EYA2: variants seen among roughly 807,000 people sequenced by gnomAD.
EYA2 encodes the protein EYA transcriptional coactivator and phosphatase 2.
A neutral mutation model predicts 69.2 loss-of-function variants in EYA2; 31 were observed. The observed-to-expected ratio is 0.45, with a 90% confidence interval of 0.34 to 0.60. The LOEUF (loss-of-function observed/expected upper bound fraction) is 0.60. EYA2 is among the 20% of genes least tolerant of loss of function. The pLI, the probability that EYA2 is intolerant of heterozygous loss-of-function variation, is 0.02. For synonymous variants in EYA2, 257 were observed against 279.4 expected, an observed-to-expected ratio of 0.92 and a Z score of 0.80; for missense variants, 622 against 701.2, an observed-to-expected ratio of 0.89 and a Z score of 1.28.
intron 9 of EYA2, among the ~76,000 whole-genome samples, chr20:47,119,790 G>A (rs1266432955): frequency 6.6e-6 from 1 of 152,246 alleles, no homozygotes; most frequent in African/African-American, 2.4e-5. Flanking sequence ...TCACTTTAAA[G>A]TGGTTCATTT....
At chr20:47,063,446 C>G (rs536934060) in intron 5 of EYA2, among the ~76,000 whole-genome samples, 1 of 135,430 alleles carries the variant, frequency 7.4e-6, no homozygotes, top group South Asian at 2.2e-4. Context: ...GACAGTGAGG[C>G]AGGAGAATAG....
At position 46,912,862 on chromosome 20, in the gene EYA2, G is replaced by A. The variant is rs1417650980; in HGVS notation, c.-11+17875G>A. Among the ~76,000 whole-genome samples, 14 of 151,266 alleles carry A rather than the reference G, an allele frequency of 9.3e-5. No individual in the cohort carries two copies. In the East Asian group the frequency reaches 1.9e-3, roughly 21 times the overall value. ...ACTACAGGCGCCCGCCACCGCGCCC[G>A]GCTAATTTTTTGTATTTTTAGTAGA... On this transcript the variant is annotated intron_variant, in intron 1 of 15. Transcript: ENST00000327619.
intron 1 of EYA2, among the ~76,000 whole-genome samples, chr20:46,947,840 G>C (rs1164787714): frequency 2.6e-5 from 4 of 152,098 alleles, no homozygotes; most frequent in Non-Finnish European, 5.9e-5. Flanking sequence ...CATATGGCTG[G>C]GCATGGTGTC....
intron 11 of EYA2, among the ~76,000 whole-genome samples, chr20:47,170,068 G>C (rs954650306): frequency 6.6e-6 from 1 of 151,786 alleles, no homozygotes; most frequent in Non-Finnish European, 1.5e-5. Flanking sequence ...ACCACACCCA[G>C]CTAATTTTTT....
At chr20:47,063,800 A>C (rs1034808671) in intron 5 of EYA2, among the ~76,000 whole-genome samples, 2 of 152,204 alleles carry the variant, frequency 1.3e-5, no homozygotes, top group African/African-American at 4.8e-5. Context: ...AAACTCTGTA[A>C]CCAGGACTCC....
At position 47,139,248 on chromosome 20, in the gene EYA2, G is replaced by A. The variant is rs1013174293; in HGVS notation, c.889-3811G>A. Among the ~76,000 whole-genome samples the A allele has an allele frequency of 5.9e-5, 9 of 152,274 alleles. No individual in the cohort carries two copies. The South Asian group carries it at 1.0e-3, about 18-fold the overall frequency. On this transcript the variant is annotated intron_variant, in intron 9 of 15. Coordinates refer to ENST00000327619, the MANE Select transcript of EYA2 (RefSeq NM_005244.5). The stretch of plus-strand genomic sequence containing the variant: ...AATGAAAAGTGGAATTACTGAGTAT[G>A]TTGCCTGTTATTTTTAAATTGTTAA...
chr20:46,945,128 A>G (rs1978376176), intron 1 of EYA2, among the ~76,000 whole-genome samples: 1 of 151,538 alleles, frequency 6.6e-6, no homozygotes, highest in Admixed American at 6.6e-5. Flanking sequence ...AAAAAAAAAA[A>G]GGTTGCAGTT....
intron 5 of EYA2, among the ~76,000 whole-genome samples, chr20:47,057,559 G>A (rs1388591869): frequency 6.7e-6 from 1 of 149,296 alleles, no homozygotes; most frequent in Non-Finnish European, 1.5e-5. Flanking sequence ...TTGCAGTCCT[G>A]GTAGGTTTTC....
At chr20:47,187,017 A>G (rs1049154280) in intron 15 of EYA2, among the ~76,000 whole-genome samples, 1 of 151,722 alleles carries the variant, frequency 6.6e-6, no homozygotes, top group African/African-American at 2.4e-5. Flanking sequence ...CATGATCTGC[A>G]TTCCAGCATG....
chr20:46,963,529 C>A (rs890100892), intron 1 of EYA2, among the ~76,000 whole-genome samples: 1 of 152,226 alleles, frequency 6.6e-6, no homozygotes, highest in Non-Finnish European at 1.5e-5. Flanking sequence ...TCTCAGTGCT[C>A]TGGAGGAAAT....
At chr20:47,080,458 TGAGG>T (rs1258094298) in intron 7 of EYA2, among the ~76,000 whole-genome samples, 1 of 19,350 alleles carries the variant, frequency 5.2e-5, no homozygotes, top group Non-Finnish European at 1.0e-4. Flanking sequence ...GGGAGGGAAA[TGAGG>T]GAGGGAGGGA....
chr20:47,186,026 G>A (rs1035628938), intron 15 of EYA2, among the ~76,000 whole-genome samples: 1 of 152,068 alleles, frequency 6.6e-6, no homozygotes, highest in African/African-American at 2.4e-5. Context: ...CCACATCTTT[G>A]CCAGGGCCTG....
At chr20:46,995,465 C>T (rs1042853017) in intron 2 of EYA2, among the ~76,000 whole-genome samples, 31 of 152,304 alleles carry the variant, frequency 2.0e-4, no homozygotes, top group African/African-American at 7.2e-4. Flanking sequence ...GTCACAGAGC[C>T]TCTCAGTGAC....
intron 1 of EYA2, among the ~76,000 whole-genome samples, chr20:46,984,029 A>T (rs1981014716): frequency 6.6e-6 from 1 of 152,322 alleles, no homozygotes; most frequent in South Asian, 2.1e-4. Context: ...TGGACAGTTT[A>T]ATACATATTA....
chr20:46,971,242 G>A (rs1364518260), intron 1 of EYA2, among the ~76,000 whole-genome samples: 2 of 152,148 alleles, frequency 1.3e-5, no homozygotes, highest in Non-Finnish European at 2.9e-5. Context: ...AAATAACCTA[G>A]GAGTTTATTT....
In EYA2 at chr20:46,920,325, A is replaced by G. The variant is rs115530935; in HGVS notation, c.-11+25338A>G. Among the ~76,000 whole-genome samples the G allele has an allele frequency of 5.3e-3, 813 of 152,180 alleles. 12 individuals carry two copies. Among genetic ancestry groups the G allele is most frequent in the African/African-American group, 0.018 (756 of 41,536 alleles). ...TGCTTTATTGCGGTGATCTGGAACCAAGCCCACGATATCTCCAAGGTGTGC... is the reference window on the plus strand; with the variant it reads ...TGCTTTATTGCGGTGATCTGGAACCGAGCCCACGATATCTCCAAGGTGTGC... On this transcript the variant is annotated intron_variant, in intron 1 of 15. Transcript: ENST00000327619.
In EYA2 at chr20:46,910,461, C is replaced by G. The variant is rs570166147; in HGVS notation, c.-11+15474C>G. Among the ~76,000 whole-genome samples the G allele has an allele frequency of 9.2e-5, 14 of 152,302 alleles. No homozygotes were observed. The Middle Eastern group carries it at 0.01, about 111-fold the overall frequency. The stretch of plus-strand genomic sequence containing the variant: ...AACATGAGACTTGGGTGTGGACACG[C>G]ATCCAAACCATCTTATCATCTCTTT... On this transcript the variant is annotated intron_variant, in intron 1 of 15. Coordinates refer to ENST00000327619, the MANE Select transcript of EYA2 (RefSeq NM_005244.5).
At chr20:46,952,556 T>C (rs1341951338) in intron 1 of EYA2, among the ~76,000 whole-genome samples, 1 of 152,140 alleles carries the variant, frequency 6.6e-6, no homozygotes, top group African/African-American at 2.4e-5. Context: ...TGCTGAACAG[T>C]GAAGGGCAGA....
At chr20:47,161,313 A>G (rs1049366449) in intron 10 of EYA2, 1 of 525,748 alleles carries the variant, frequency 1.9e-6, no homozygotes, top group African/African-American at 1.9e-5. Context: ...TAACACCCAG[A>G]TCGACATACC....
Sources: allele counts gnomAD v4.1 joint callset (sites outside exome capture counted in the v4.1 genomes callset), GRCh38; gene constraint gnomAD v4.1.1; transcripts MANE v1.5; gene names NCBI Gene and HGNC (gene_info 2026-07-23, HGNC 2026-07-21).